SLC6A11: variants seen among roughly 807,000 people sequenced by gnomAD.
SLC6A11 encodes the protein solute carrier family 6 member 11, also known as sodium- and chloride-dependent GABA transporter 3.
In SLC6A11, 25 loss-of-function variants were observed where a neutral mutation model predicts 74.8. The observed-to-expected ratio is 0.33, with a 90% CI of 0.24 to 0.47. The LOEUF (loss-of-function observed/expected upper bound fraction) is 0.47, where lower values mean the gene tolerates loss of function less well. Ranked by LOEUF, SLC6A11 falls within the 20% of genes least tolerant of loss-of-function variation. SLC6A11 has a pLI of 1.00. For missense variants in SLC6A11, 574 were observed against 837.0 expected (o/e 0.69, Z 3.88); for synonymous variants, 330 against 330.2 (o/e 1.00, Z 0.01).
At chr3:10,856,745 A>C (rs1694642971) in intron 5 of SLC6A11, among the ~76,000 whole-genome samples, 1 of 152,180 alleles carries the variant, frequency 6.6e-6, no homozygotes, top group Non-Finnish European at 1.5e-5. Context: ...GGTAATTTGA[A>C]AATGGATGGG....
rs553221653 is a variant in SLC6A11 at position 10,816,341 on chromosome 3, G to A, written c.76G>A (p.Gly26Ser). 8 of 1,423,588 alleles carry A rather than the reference G, an allele frequency of 5.6e-6. No homozygotes were observed. The highest frequency in any genetic ancestry group is 7.3e-6 in the Non-Finnish European group (8 of 1,092,040). 88.2% of individuals were successfully genotyped at this position (1,423,588 alleles called of 1,614,324 possible). A position where few individuals can be genotyped will look rare whatever the true frequency, so the allele number is the denominator to read the frequency against. ...GGCGCGGGAGTCCGAGGCGCCGGGT[G>A]GCGGCTGCAGCAGCGGGGGCGCGGC... ...EEARESEAPG[G>S]GCSSGGAAPA... Residue 26 changes from glycine to serine, a missense_variant, in exon 1 of 14, where the codon GGC becomes AGC. Physicochemically the swap from Gly to Ser is moderately conservative, Grantham distance 56. Coordinates refer to ENST00000254488, the MANE Select transcript of SLC6A11 (RefSeq NM_014229.3). The surrounding 1 kb of genome is among the most constrained non-coding windows in gnomAD (Gnocchi z 4.2).
intron 5 of SLC6A11, among the ~76,000 whole-genome samples, chr3:10,863,038 G>C (rs1694721361): frequency 6.6e-6 from 1 of 152,246 alleles, no homozygotes; most frequent in Admixed American, 6.5e-5. Flanking sequence ...GTTATGTCCT[G>C]TTATGTTCTG....
intron 7 of SLC6A11, among the ~76,000 whole-genome samples, chr3:10,913,680 C>A (rs1695416377): frequency 6.6e-6 from 1 of 152,096 alleles, no homozygotes; most frequent in Non-Finnish European, 1.5e-5. Flanking sequence ...AGTAAAAAAA[C>A]AAGCAACACA....
At chr3:10,861,111 G>A (rs1694698283) in intron 5 of SLC6A11, among the ~76,000 whole-genome samples, 1 of 152,220 alleles carries the variant, frequency 6.6e-6, no homozygotes, top group African/African-American at 2.4e-5. Flanking sequence ...CTTCCTTTGA[G>A]AGCTACCTGT....
intron 1 of SLC6A11, among the ~76,000 whole-genome samples, chr3:10,818,484 T>C (rs1486239236): frequency 1.3e-5 from 2 of 152,234 alleles, no homozygotes; most frequent in Non-Finnish European, 2.9e-5. Flanking sequence ...TCTTTCCCAA[T>C]ATGAAACTTT....
Position 10,940,210 on chromosome 3 carries a change from T to C in SLC6A11, c.*1808T>C, listed in dbSNP as rs1339539862. ...TTATGGGCAAGCCACCATCCCACTC[T>C]CGTCTCCCTGAGCTGTCTGGTTCTG... On this transcript the variant is annotated 3_prime_UTR_variant, in exon 14 of 14. Coordinates refer to ENST00000254488, the MANE Select transcript of SLC6A11 (RefSeq NM_014229.3). The C allele has an allele frequency of 6.6e-6, 1 of 152,216 alleles. No individual in the cohort carries two copies. The highest frequency in any genetic ancestry group is 1.5e-5 in the Non-Finnish European group (1 of 68,084). The allele number at this position is 152,216 out of a possible 1,614,324, so 9.4% of individuals were successfully genotyped here.
At chr3:10,891,332 C>T (rs189197316) in intron 6 of SLC6A11, among the ~76,000 whole-genome samples, 2 of 152,352 alleles carry the variant, frequency 1.3e-5, no homozygotes, top group East Asian at 1.9e-4. Context: ...TATTAACCCT[C>T]AGCATTTACT....
chr3:10,854,417 A>G (rs1261660622), intron 5 of SLC6A11, among the ~76,000 whole-genome samples: 2 of 152,198 alleles, frequency 1.3e-5, no homozygotes, highest in Non-Finnish European at 2.9e-5. Flanking sequence ...ATAAATAAAA[A>G]GACAGAATTG....
chr3:10,828,842 A>G (rs1694251806), intron 4 of SLC6A11, among the ~76,000 whole-genome samples: 1 of 152,160 alleles, frequency 6.6e-6, no homozygotes, highest in African/African-American at 2.4e-5. Context: ...TTGTATATTT[A>G]TTTGATTATT....
chr3:10,930,457 C>T (rs1306241036), intron 10 of SLC6A11, among the ~76,000 whole-genome samples: 1 of 152,166 alleles, frequency 6.6e-6, no homozygotes, highest in Non-Finnish European at 1.5e-5. Flanking sequence ...ATTACCTCGC[C>T]CAGTCATTGT....
At chr3:10,874,012 G>GCTATA (rs1484812877) in intron 5 of SLC6A11, among the ~76,000 whole-genome samples, 1 of 150,828 alleles carries the variant, frequency 6.6e-6, no homozygotes, top group Non-Finnish European at 1.5e-5. Context: ...GCTATGCTAT[G>GCTATA]CTATACCATC....
At position 10,854,766 on chromosome 3, in the gene SLC6A11, C is replaced by G. The variant is rs148798229; in HGVS notation, c.756+10420C>G. 6.4e-3 allele frequency among the ~76,000 whole-genome samples: 981 copies of G among 152,338 alleles called. 50 individuals carry two copies. The South Asian group carries it at 0.1, about 15-fold the overall frequency. On this transcript the variant is annotated intron_variant, in intron 5 of 13. Coordinates refer to ENST00000254488, the MANE Select transcript of SLC6A11 (RefSeq NM_014229.3). ...TGAGTCCAGCATTCAAGGTCCTTCT[C>G]TGTTTCAGTCCAGTCTTCCTACCTC... is the stretch of plus-strand genomic sequence containing the variant.
chr3:10,874,140 A>G (rs552781051), intron 5 of SLC6A11, among the ~76,000 whole-genome samples: 1 of 152,380 alleles, frequency 6.6e-6, no homozygotes, highest in Admixed American at 6.5e-5. Flanking sequence ...GTATTGACCC[A>G]ACAGTGAATT....
chr3:10,934,003 C>A, intron 11 of SLC6A11, 63 bp from the exon 12 acceptor site: 1 of 1,116,484 alleles, frequency 9.0e-7, no homozygotes, highest in Non-Finnish European at 1.4e-6. Flanking sequence ...CTAGCCATTC[C>A]TCTGACTCAT....
Position 10,935,071 on chromosome 3 carries a change from TACA to T in SLC6A11, c.1625_1627del (p.Asn542del), listed in dbSNP as rs1420781036. 6.2e-6 allele frequency: 10 copies of T among 1,613,920 alleles called. No homozygotes were observed. Among genetic ancestry groups the T allele is most frequent in the Non-Finnish European group, 8.5e-6 (10 of 1,179,930 alleles). On this transcript the variant is annotated inframe_deletion, in exon 13 of 14. Transcript: ENST00000254488. ...CTTGATCAAGTACAAGCCACTCAAG[TACA>T]ACAACATCTACACCTACCCAGCCTG...
In SLC6A11 at chr3:10,851,416, C is replaced by A. The variant is rs538301159; in HGVS notation, c.756+7070C>A. 2.7e-4 allele frequency among the ~76,000 whole-genome samples: 41 copies of A among 150,064 alleles called. 1 individual carries two copies. Among genetic ancestry groups the A allele is most frequent in the African/African-American group, 9.1e-4 (37 of 40,798 alleles). On this transcript the variant is annotated intron_variant, in intron 5 of 13. Coordinates refer to ENST00000254488, the MANE Select transcript of SLC6A11 (RefSeq NM_014229.3). ...ACCGAGGCAAGGAAAAAAAAAAAAA[C>A]CACACACACAGACAGACAGACACAC... is the stretch of plus-strand genomic sequence containing the variant.
In SLC6A11 at chr3:10,918,016, G is replaced by A. The variant is rs111636297; in HGVS notation, c.996-313G>A. 2.6e-5 allele frequency among the ~76,000 whole-genome samples: 4 copies of A among 152,284 alleles called. No homozygotes were observed. Among genetic ancestry groups the A allele is most frequent in the South Asian group, 2.1e-4 (1 of 4,828 alleles). On this transcript the variant is annotated intron_variant, in intron 7 of 13. Coordinates refer to ENST00000254488, the MANE Select transcript of SLC6A11 (RefSeq NM_014229.3). This position sits in a 1 kb window ranked among gnomAD's most constrained non-coding sequence, Gnocchi z 4.5. ...TCTCCTACCAGGGACTTGGAGGAGC[G>A]TCGGTGTGTTTCAGAGTATTTTCTC...
At chr3:10,911,299 G>T (rs1575699500) in intron 6 of SLC6A11, among the ~76,000 whole-genome samples, 1 of 152,204 alleles carries the variant, frequency 6.6e-6, no homozygotes, top group Admixed American at 6.5e-5. Flanking sequence ...TTGAGCTCTG[G>T]ATTTTCCTTG....
intron 6 of SLC6A11, among the ~76,000 whole-genome samples, chr3:10,880,101 C>T (rs2106608632): frequency 6.6e-6 from 1 of 152,274 alleles, no homozygotes; most frequent in East Asian, 1.9e-4. Context: ...CTAAGCTAGT[C>T]TTAGGACTTC....
Sources: gnomAD v4.1 joint callset for allele counts (sites outside exome capture counted in the v4.1 genomes callset) on GRCh38, gnomAD v4.1.1 for gene constraint, Gnocchi (gnomAD v3.1) non-coding constraint, MANE v1.5 for transcripts, NCBI Gene and HGNC (gene_info 2026-07-23, HGNC 2026-07-21) for gene names.